Variants in PI4K2B observed in about 807,000 individuals in gnomAD.
The protein encoded by PI4K2B is phosphatidylinositol 4-kinase type 2 beta.
In PI4K2B, 46 loss-of-function variants were observed where a neutral mutation model predicts 56.6. The observed-to-expected ratio is 0.81, with a 90% CI of 0.64 to 1.04. PI4K2B has a LOEUF of 1.04. PI4K2B is among the 50% of genes least tolerant of loss of function. The probability of loss-of-function intolerance (pLI) is 0.00; values close to 1 mark genes in which losing one functional copy is unlikely to be tolerated. For synonymous variants in PI4K2B, 211 were observed against 223.8 expected (o/e 0.94, Z 0.51); for missense variants, 556 against 607.7 (o/e 0.91, Z 0.89).
intron 6 of PI4K2B, among the ~76,000 whole-genome samples, chr4:25,262,326 G>A (rs1716509492): frequency 6.6e-6 from 1 of 152,026 alleles, no homozygotes; most frequent in Non-Finnish European, 1.5e-5. Flanking sequence ...GGGTGACAGA[G>A]CAAGACCCTG....
At chr4:25,261,726 A>G (rs1219328810) in intron 6 of PI4K2B, among the ~76,000 whole-genome samples, 1 of 26,126 alleles carries the variant, frequency 3.8e-5, no homozygotes, top group Non-Finnish European at 7.2e-5. Flanking sequence ...TAAAGGGAAC[A>G]TATTGTATAT....
At chr4:25,234,542 C>T in intron 1 of PI4K2B, 111 bp downstream of exon 1, 1 of 760,438 alleles carries the variant, frequency 1.3e-6, no homozygotes, top group South Asian at 6.4e-5. Flanking sequence ...GCTTTCCCCG[C>T]TCGCTGGGCA....
intron 9 of PI4K2B, among the ~76,000 whole-genome samples, chr4:25,272,347 A>G (rs1466123812): frequency 6.6e-6 from 1 of 152,252 alleles, no homozygotes; most frequent in Non-Finnish European, 1.5e-5. Flanking sequence ...AAGAAATAAA[A>G]TGATGATACT....
At chr4:25,270,570 AC>A (rs1239697018) in intron 9 of PI4K2B, among the ~76,000 whole-genome samples, 3 of 150,484 alleles carry the variant, frequency 2.0e-5, no homozygotes, top group African/African-American at 7.4e-5. Flanking sequence ...CTGGTCTTGA[AC>A]TCCTGACCTT....
At position 25,252,493 on chromosome 4, in the gene PI4K2B, C is replaced by G. The variant is rs375882062; in HGVS notation, c.423+18C>G. On this transcript the variant is annotated intron_variant, in intron 2 of 9. Coordinates refer to ENST00000264864, the MANE Select transcript of PI4K2B (RefSeq NM_018323.4). The stretch of plus-strand genomic sequence containing the variant: ...CTAAGAGGGTGAGAATTTCACAGAC[C>G]TATTATATGTAATGGAAACTTTGGT... 128 of 1,507,868 alleles carry G rather than the reference C, an allele frequency of 8.5e-5. No homozygotes were observed. The highest frequency in any genetic ancestry group is 1.1e-4 in the Non-Finnish European group (117 of 1,085,766). 93.4% of individuals were successfully genotyped at this position (1,507,868 alleles called of 1,614,324 possible).
At chr4:25,238,609 T>C (rs938303104) in intron 1 of PI4K2B, among the ~76,000 whole-genome samples, 1 of 151,754 alleles carries the variant, frequency 6.6e-6, no homozygotes, top group African/African-American at 2.4e-5. Context: ...GGCTCAGGAG[T>C]GAAGCTGCGA....
intron 1 of PI4K2B, among the ~76,000 whole-genome samples, chr4:25,243,511 G>T (rs909062257): frequency 2.6e-5 from 4 of 152,120 alleles, no homozygotes; most frequent in Admixed American, 2.0e-4. Flanking sequence ...TTCCTTTTGG[G>T]CCCGTTCCTT....
At chr4:25,245,765 C>T (rs1715739646) in intron 1 of PI4K2B, among the ~76,000 whole-genome samples, 2 of 152,238 alleles carry the variant, frequency 1.3e-5, no homozygotes, top group South Asian at 4.1e-4. Context: ...TCTCACTGCT[C>T]AGCGATAGGC....
At chr4:25,252,632 G>A (rs1279239685) in intron 2 of PI4K2B, among the ~76,000 whole-genome samples, 157 bp downstream of exon 2, 1 of 151,962 alleles carries the variant, frequency 6.6e-6, no homozygotes, top group African/African-American at 2.4e-5. Context: ...TTTTTGAGAC[G>A]CCCGGGGTCG....
At chr4:25,238,246 A>T (rs1715351825) in intron 1 of PI4K2B, among the ~76,000 whole-genome samples, 1 of 152,258 alleles carries the variant, frequency 6.6e-6, no homozygotes, top group Admixed American at 6.5e-5. Context: ...CATGTGGTCT[A>T]TACAGTTAAA....
At chr4:25,246,309 C>T (rs569036918) in intron 1 of PI4K2B, among the ~76,000 whole-genome samples, 13 of 152,158 alleles carry the variant, frequency 8.5e-5, no homozygotes, top group South Asian at 6.2e-4. Context: ...TTTTACAGAG[C>T]GCCGATTGGT....
intron 7 of PI4K2B, among the ~76,000 whole-genome samples, chr4:25,264,472 G>A (rs1226835478): frequency 1.3e-5 from 2 of 150,052 alleles, no homozygotes; most frequent in African/African-American, 4.9e-5. Context: ...AATATTGGTG[G>A]TGTGGACCAG....
At chr4:25,261,583 A>G (rs973321333) in intron 6 of PI4K2B, among the ~76,000 whole-genome samples, 10 of 152,202 alleles carry the variant, frequency 6.6e-5, no homozygotes, top group African/African-American at 2.4e-4. Flanking sequence ...ATCATTTTTA[A>G]AAGTTTGTGC....
At chr4:25,244,904 TC>T (rs1715692694) in intron 1 of PI4K2B, among the ~76,000 whole-genome samples, 1 of 152,182 alleles carries the variant, frequency 6.6e-6, no homozygotes, top group African/African-American at 2.4e-5. Context: ...CTGTTAAGAG[TC>T]CTAAGCATTC....
At chr4:25,250,864 G>A (rs569084366) in intron 1 of PI4K2B, among the ~76,000 whole-genome samples, 37 of 152,280 alleles carry the variant, frequency 2.4e-4, no homozygotes, top group Non-Finnish European at 4.6e-4. Context: ...ATTTATTTAA[G>A]GTAGAGCCAA....
exon 10 of PI4K2B, chr4:25,279,202 C>CTTTTTT (rs11346220): frequency 2.0e-4 from 20 of 97,948 alleles, no homozygotes; most frequent in Non-Finnish European, 2.9e-4. Flanking sequence ...TAGTTTAATT[C>CTTTTTT]TTTTTTTTTT....
intron 1 of PI4K2B, among the ~76,000 whole-genome samples, chr4:25,239,522 C>A (rs1199289096): frequency 3.3e-5 from 2 of 60,050 alleles, no homozygotes; most frequent in East Asian, 5.8e-4. Context: ...GCCAGCCGCT[C>A]CGACTGCGGA....
chr4:25,265,182 T>TA (rs1163019788), intron 7 of PI4K2B, among the ~76,000 whole-genome samples: 5 of 98,300 alleles, frequency 5.1e-5, no homozygotes, highest in African/African-American at 2.1e-4. Context: ...GCAACAAGAG[T>TA]AAATCTCTGT....
At chr4:25,242,763 G>A (rs1715580504) in intron 1 of PI4K2B, among the ~76,000 whole-genome samples, 1 of 152,206 alleles carries the variant, frequency 6.6e-6, no homozygotes, top group African/African-American at 2.4e-5. Context: ...GAAAAGTGGT[G>A]GGATCTTTTA....
Sources: gnomAD v4.1 joint callset for allele counts (sites outside exome capture counted in the v4.1 genomes callset) on GRCh38, gnomAD v4.1.1 for gene constraint, MANE v1.5 for transcripts, NCBI Gene and HGNC (gene_info 2026-07-23, HGNC 2026-07-21) for gene names.